Variants in ERAP2 observed in about 807,000 individuals in gnomAD.
ERAP2 encodes leukocyte-derived arginine aminopeptidase.
A neutral mutation model predicts 111.1 loss-of-function variants in ERAP2; 118 were observed. The ratio of observed to expected loss-of-function variants is 1.06; its 90% CI spans 0.92 to 1.24. ERAP2 has a LOEUF of 1.24. Among genes scored for constraint, ERAP2 ranks in the 50% most tolerant of loss-of-function variants. ERAP2 has a pLI of 0.00. For missense variants in ERAP2, 1,131 were observed against 1,125.8 expected (o/e 1.00, Z -0.07); for synonymous variants, 410 against 401.2 (o/e 1.02, Z -0.26).
chr5:96,883,817 C>G lies in ERAP2; in HGVS notation c.601C>G (p.Pro201Ala), dbSNP rs1478665830. Reference sequence around the variant, plus strand: ...AATTCTTGCAGTAACAGATTTTGAGCCAACCCAGGCACGCATGGCTTTCCC... The same window carrying G: ...AATTCTTGCAGTAACAGATTTTGAGGCAACCCAGGCACGCATGGCTTTCCC... ...TRILAVTDFE[P>A]TQARMAFPCF... Residue 201 changes from proline (P) to alanine (A), a missense_variant, in exon 3 of 19, where the codon CCA becomes GCA. Pro to Ala is a conservative substitution (Grantham distance 27, BLOSUM62 -1). Around this residue, in one of 3 missense-constraint regions of ERAP2, gnomAD observed 847 missense variants for 856.5 expected, o/e 0.99. Transcript: ENST00000437043. The G allele has an allele frequency of 3.1e-6, 5 of 1,610,846 alleles. No individual in the cohort carries two copies. The highest frequency in any genetic ancestry group is 3.4e-6 in the Non-Finnish European group (4 of 1,179,184).
chr5:96,895,463 G>C, intron 7 of ERAP2, 104 bp downstream of exon 7: 1 of 835,898 alleles, frequency 1.2e-6, no homozygotes, highest in Admixed American at 2.4e-5. Flanking sequence ...ATAATGTTGT[G>C]GTTTTTGAAC....
chr5:96,907,226 T>C (rs1308881266), intron 13 of ERAP2, among the ~76,000 whole-genome samples: 2 of 152,224 alleles, frequency 1.3e-5, no homozygotes, highest in Non-Finnish European at 2.9e-5. Context: ...TTCTATGCAT[T>C]TTTTGAAGCA....
At chr5:96,901,975 C>A (rs570497841) in intron 11 of ERAP2, among the ~76,000 whole-genome samples, 1 of 152,294 alleles carries the variant, frequency 6.6e-6, no homozygotes, top group African/African-American at 2.4e-5. Context: ...ATTGGATTTT[C>A]TTTCCCATAC....
intron 2 of ERAP2, among the ~76,000 whole-genome samples, chr5:96,882,246 T>G (rs1245499975): frequency 6.6e-6 from 1 of 152,248 alleles, no homozygotes; most frequent in Non-Finnish European, 1.5e-5. Flanking sequence ...TTCATTTTTT[T>G]CAAATGCCGA....
In ERAP2 at chr5:96,888,164, AAAAG is replaced by A. The variant is rs373805573; in HGVS notation, c.850-1017_850-1014del. ...AAGAAAGAAAAGAATAAAAGAAAAAAAAAGAAAAATCTGTATAAAGTATCTATTA... is the reference window on the plus strand; with the variant it reads ...AAGAAAGAAAAGAATAAAAGAAAAAAAAAAATCTGTATAAAGTATCTATTA... On this transcript the variant is annotated intron_variant, in intron 4 of 18. Transcript: ENST00000437043. Among the ~76,000 whole-genome samples the A allele has an allele frequency of 9.6e-3, 1,435 of 149,766 alleles. 22 individuals are homozygous for A. Among genetic ancestry groups the A allele is most frequent in the African/African-American group, 0.034 (1,342 of 40,006 alleles).
chr5:96,917,396 C>T lies in ERAP2; in HGVS notation c.2740-66C>T, dbSNP rs996242338. 1.5e-5 allele frequency: 21 copies of T among 1,387,154 alleles called. No individual in the cohort carries two copies. The Admixed American group carries it at 1.6e-4, about 10-fold the overall frequency. 85.9% of individuals were successfully genotyped at this position (1,387,154 alleles called of 1,614,324 possible). A position where few individuals can be genotyped will look rare whatever the true frequency, so the allele number is the denominator to read the frequency against. On this transcript the variant is annotated intron_variant, in intron 18 of 18. Transcript: ENST00000437043. ...TTGGCCTCCCGAAGTGCTGGGATTACAGGTGTGAACCACCACACTCGGCCA... is the reference window on the plus strand; with the variant it reads ...TTGGCCTCCCGAAGTGCTGGGATTATAGGTGTGAACCACCACACTCGGCCA...
At chr5:96,890,404 G>A (rs573277229) in intron 5 of ERAP2, among the ~76,000 whole-genome samples, 5 of 152,156 alleles carry the variant, frequency 3.3e-5, no homozygotes, top group Non-Finnish European at 7.3e-5. Flanking sequence ...GCGGAGCTCA[G>A]GCAGTCATGC....
downstream of ERAP2, chr5:96,919,713 CTTA>C (rs1402517246): frequency 6.6e-6 from 1 of 152,154 alleles, no homozygotes; most frequent in East Asian, 1.9e-4. Context: ...ATGTATTGTA[CTTA>C]TTAGTGTAGT....
intron 4 of ERAP2, among the ~76,000 whole-genome samples, chr5:96,887,903 A>G (rs995247348): frequency 6.6e-6 from 1 of 152,154 alleles, no homozygotes; most frequent in Non-Finnish European, 1.5e-5. Context: ...AGGCTGGCAG[A>G]TCGCCTGAGG....
Position 96,909,670 on chromosome 5 carries a change from C to G in ERAP2, c.2260C>G (p.Leu754Val). The G allele has an allele frequency of 6.2e-7, 1 of 1,614,196 alleles. No individual in the cohort carries two copies. The highest frequency in any genetic ancestry group is 8.5e-7 in the Non-Finnish European group (1 of 1,180,032). The change falls in exon 15 of 19, where the codon CTC (leucine) becomes GTC (valine). Residue 754 changes from leucine to valine, a missense_variant. Coordinates refer to ENST00000437043, the MANE Select transcript of ERAP2 (RefSeq NM_022350.5). ...SVWDRMLRSALLKLACDLNHA... is the reference protein window; with the variant it reads ...SVWDRMLRSAVLKLACDLNHA... Reference sequence around the variant, plus strand: ...CTGGGACAGGATGCTCCGCTCGGCTCTCTTGAAGCTGGCCTGTGACCTGAA... The same window carrying G: ...CTGGGACAGGATGCTCCGCTCGGCTGTCTTGAAGCTGGCCTGTGACCTGAA...
At chr5:96,882,293 A>G (rs999030508) in intron 2 of ERAP2, among the ~76,000 whole-genome samples, 10 of 152,180 alleles carry the variant, frequency 6.6e-5, no homozygotes, top group Non-Finnish European at 1.5e-4. Context: ...TAGGGATACT[A>G]TTCTGGGAGC....
chr5:96,892,636 T>C (rs1288017367), intron 6 of ERAP2, among the ~76,000 whole-genome samples, 183 bp downstream of exon 6: 2 of 152,340 alleles, frequency 1.3e-5, no homozygotes, highest in Admixed American at 1.3e-4. Context: ...GTGTGCATAC[T>C]GGAATTTTAT....
chr5:96,917,748 T>A lies in ERAP2; in HGVS notation c.*143T>A. On this transcript the variant is annotated 3_prime_UTR_variant, in exon 19 of 19. Transcript: ENST00000437043. ...GGTGAGACCCCGTCTCCGCTAAAAA[T>A]ACAAAAAATTAGCCGGGCATGGTGG... The A allele has an allele frequency of 2.0e-6, 1 of 502,980 alleles. No homozygotes were observed. Among genetic ancestry groups the A allele is most frequent in the Non-Finnish European group, 3.3e-6 (1 of 306,628 alleles). The allele number at this position is 502,980 out of a possible 1,614,324, so 31.2% of individuals were successfully genotyped here.
At position 96,896,871 on chromosome 5, in the gene ERAP2, A is replaced by G. The variant is rs1784929231; in HGVS notation, c.1503+8A>G. 6.4e-7 allele frequency: 1 copy of G among 1,570,698 alleles called. No individual in the cohort carries two copies. Among genetic ancestry groups the G allele is most frequent in the Non-Finnish European group, 8.6e-7 (1 of 1,166,294 alleles). ...TGGAGCAGTCTGTCAAATGTAAGTC[A>G]TATGTTGGGTAACGATAGACTGTTA... On this transcript the variant is annotated splice_region_variant and intron_variant, in intron 9 of 18. Transcript: ENST00000437043.
At chr5:96,914,461 G>A (rs1787163087) in intron 17 of ERAP2, among the ~76,000 whole-genome samples, 1 of 152,118 alleles carries the variant, frequency 6.6e-6, no homozygotes, top group South Asian at 2.1e-4. Context: ...GCTTTAATAT[G>A]TATGTTTGTG....
intron 1 of ERAP2, 128 bp from the exon 2 acceptor site, chr5:96,879,436 G>C: frequency 2.5e-6 from 1 of 406,302 alleles, no homozygotes; most frequent in Non-Finnish European, 4.4e-6. Flanking sequence ...CTATTTTGTG[G>C]ATACTTGGCC....
rs1338741941 is a variant in ERAP2, at chr5:96,909,706, T to C, written c.2296T>C (p.Cys766Arg). The change falls in exon 15 of 19, where the codon TGC becomes CGC. Residue 766 changes from cysteine (C) to arginine (R), a missense_variant. Physicochemically the swap from Cys to Arg is radical, Grantham distance 180. This residue lies in a region of ERAP2 where 279 missense variants were observed against 250.9 expected (regional missense o/e 1.11). Coordinates refer to ENST00000437043, the MANE Select transcript of ERAP2 (RefSeq NM_022350.5). ...KLACDLNHAP[C>R]IQKAAELFSQ... The stretch of plus-strand genomic sequence containing the variant: ...GGCCTGTGACCTGAACCATGCTCCT[T>C]GCATCCAGAAAGCTGCTGAACTCTT... 6.2e-7 allele frequency: 1 copy of C among 1,614,218 alleles called. No individual in the cohort carries two copies. Among genetic ancestry groups the C allele is most frequent in the Admixed American group, 1.7e-5 (1 of 60,024 alleles).
intron 13 of ERAP2, among the ~76,000 whole-genome samples, chr5:96,907,296 G>C (rs1016431577): frequency 4.6e-5 from 7 of 152,082 alleles, no homozygotes; most frequent in Non-Finnish European, 1.0e-4. Flanking sequence ...TATATAAAAA[G>C]AAAAGGAGTC....
At position 96,894,547 on chromosome 5, in the gene ERAP2, T is replaced by C. The variant is rs182332455; in HGVS notation, c.1126-699T>C. On this transcript the variant is annotated intron_variant, in intron 6 of 18. Coordinates refer to ENST00000437043, the MANE Select transcript of ERAP2 (RefSeq NM_022350.5). ...GCATATAGACTAAATAAATAAAACA[T>C]AAAAGCACATAAAAGAATAGTAATA... Among the ~76,000 whole-genome samples, 107 of 152,208 alleles carry C rather than the reference T, an allele frequency of 7.0e-4. 1 individual carries two copies. The highest frequency in any genetic ancestry group is 2.5e-3 in the African/African-American group (103 of 41,546).
Sources: gnomAD v4.1 joint callset for allele counts (sites outside exome capture counted in the v4.1 genomes callset) on GRCh38, gnomAD v4.1.1 for gene constraint, gnomAD v4.1.1 regional missense constraint, MANE v1.5 for transcripts, NCBI Gene and HGNC (gene_info 2026-07-23, HGNC 2026-07-21) for gene names.